The following ESRRG variants were observed in gnomAD, a reference collection of about 807,000 sequenced individuals.
ESRRG encodes the protein estrogen related receptor gamma.
Under a neutral mutation model 44.0 loss-of-function variants are expected in ESRRG, and 13 were observed. The observed-to-expected ratio is 0.30, with a 90% CI of 0.19 to 0.47. ESRRG has a LOEUF of 0.47. Among genes scored for constraint, ESRRG ranks in the 20% least tolerant of loss-of-function variants. ESRRG has a pLI of 1.00. For missense variants in ESRRG, 395 were observed against 580.6 expected, an observed-to-expected ratio of 0.68 and a Z score of 3.29; for synonymous variants, 215 against 214.6, an observed-to-expected ratio of 1.00 and a Z score of -0.02.
intron 3 of ESRRG, among the ~76,000 whole-genome samples, chr1:216,575,691 C>T (rs892516709): frequency 6.6e-6 from 1 of 152,072 alleles, no homozygotes; most frequent in Admixed American, 6.6e-5. Flanking sequence ...GCAGAACTCA[C>T]GTTCTTAAGC....
chr1:216,857,298 C>T (rs975029034), intron 2 of ESRRG, among the ~76,000 whole-genome samples: 2 of 151,474 alleles, frequency 1.3e-5, no homozygotes, highest in Non-Finnish European at 2.9e-5. Context: ...CTCTATTTCC[C>T]GAACTGATAG....
intron 1 of ESRRG, chr1:217,077,028 A>T (rs1205679117): frequency 6.6e-6 from 1 of 152,222 alleles, no homozygotes; most frequent in Non-Finnish European, 1.5e-5. Context: ...AACTGAACAG[A>T]AGCTGATACC....
At chr1:217,054,102 A>G (rs2086632934) in intron 1 of ESRRG, among the ~76,000 whole-genome samples, 1 of 151,878 alleles carries the variant, frequency 6.6e-6, no homozygotes, top group South Asian at 2.1e-4. Context: ...AAAAAAGCCC[A>G]TTGTACATCA....
intron 3 of ESRRG, among the ~76,000 whole-genome samples, chr1:216,614,151 G>T (rs1051415816): frequency 1.3e-5 from 2 of 152,190 alleles, no homozygotes; most frequent in Non-Finnish European, 2.9e-5. Context: ...TGCAGTGCAT[G>T]GGCAGGTGGC....
chr1:216,691,996 A>C (rs2079129014), intron 1 of ESRRG, among the ~76,000 whole-genome samples: 1 of 152,196 alleles, frequency 6.6e-6, no homozygotes, highest in Non-Finnish European at 1.5e-5. Context: ...AGTATAGCAC[A>C]TATAATTATG....
intron 1 of ESRRG, among the ~76,000 whole-genome samples, chr1:217,018,856 A>G (rs1345047773): frequency 6.6e-6 from 1 of 152,132 alleles, no homozygotes; most frequent in Non-Finnish European, 1.5e-5. Flanking sequence ...TGCCACGTGG[A>G]CCGCATTATG....
intron 1 of ESRRG, among the ~76,000 whole-genome samples, chr1:217,016,169 G>A (rs1268510824): frequency 6.6e-6 from 1 of 152,078 alleles, no homozygotes; most frequent in Non-Finnish European, 1.5e-5. Context: ...TGAAGAAAAT[G>A]TTAAAAAGTG....
intron 2 of ESRRG, among the ~76,000 whole-genome samples, chr1:216,780,726 GGGA>G (rs1394633578): frequency 2.6e-5 from 4 of 152,120 alleles, no homozygotes; most frequent in Admixed American, 2.6e-4. Flanking sequence ...ACAGAGTCCA[GGGA>G]GGAGAAGGGA....
intron 2 of ESRRG, among the ~76,000 whole-genome samples, chr1:216,844,485 T>C (rs1266495955): frequency 6.6e-6 from 1 of 152,116 alleles, no homozygotes; most frequent in Non-Finnish European, 1.5e-5. Flanking sequence ...TGCTCAGCTC[T>C]GATGTCATAT....
intron 3 of ESRRG, among the ~76,000 whole-genome samples, chr1:216,623,357 G>T (rs918500385): frequency 6.6e-6 from 1 of 152,104 alleles, no homozygotes; most frequent in African/African-American, 2.4e-5. Context: ...ATAGAACAGG[G>T]AAGATACTGC....
chr1:217,097,013 C>T (rs941790366), intron 1 of ESRRG, among the ~76,000 whole-genome samples: 3 of 152,108 alleles, frequency 2.0e-5, no homozygotes, highest in African/African-American at 7.2e-5. Flanking sequence ...TAGAAGGCAC[C>T]TCTCCAGCCT....
At chr1:216,744,745 G>A (rs550503684) in intron 2 of ESRRG, among the ~76,000 whole-genome samples, 74 of 152,234 alleles carry the variant, frequency 4.9e-4, no homozygotes, top group African/African-American at 1.8e-3. Context: ...TCTTCCATCT[G>A]TTCTTCTAGC....
At chr1:216,603,356 C>T (rs2059493665) in intron 3 of ESRRG, among the ~76,000 whole-genome samples, 1 of 152,174 alleles carries the variant, frequency 6.6e-6, no homozygotes, top group Non-Finnish European at 1.5e-5. Flanking sequence ...CTGACCCTAA[C>T]TTTCATTGAA....
chr1:216,852,639 TGA>T (rs1312775036), intron 2 of ESRRG, among the ~76,000 whole-genome samples: 5 of 152,212 alleles, frequency 3.3e-5, no homozygotes, highest in Non-Finnish European at 5.9e-5. Context: ...TAAGTTTCAC[TGA>T]ATTTTGAATA....
intron 4 of ESRRG, 26 bp from the exon 5 acceptor site, chr1:216,564,406 A>G (rs1389448542): frequency 6.4e-7 from 1 of 1,572,960 alleles, no homozygotes; most frequent in African/African-American, 1.4e-5. Flanking sequence ...AGAGCACTAC[A>G]AGATCACTAG....
intron 1 of ESRRG, among the ~76,000 whole-genome samples, chr1:217,068,809 C>G (rs986580819): frequency 6.6e-6 from 1 of 152,192 alleles, no homozygotes; most frequent in East Asian, 1.9e-4. Flanking sequence ...AAAGCAATCA[C>G]TTTTTCCGCC....
At chr1:216,965,736 A>G (rs1489722436) in intron 1 of ESRRG, among the ~76,000 whole-genome samples, 2 of 152,206 alleles carry the variant, frequency 1.3e-5, no homozygotes, top group African/African-American at 4.8e-5. Context: ...AGGTGTGCAC[A>G]AGGCACTCAG....
chr1:216,930,946 G>A (rs1181934576), intron 2 of ESRRG, among the ~76,000 whole-genome samples: 2 of 152,170 alleles, frequency 1.3e-5, no homozygotes, highest in Non-Finnish European at 2.9e-5. Context: ...GTGGGTGATG[G>A]GATAATGCTG....
At chr1:216,688,726 G>A (rs1278374815) in intron 1 of ESRRG, among the ~76,000 whole-genome samples, 1 of 152,056 alleles carries the variant, frequency 6.6e-6, no homozygotes, top group African/African-American at 2.4e-5. Context: ...ATAAAAGTAG[G>A]CCGGGGACAT....
Sources: gnomAD v4.1 joint callset for allele counts (sites outside exome capture counted in the v4.1 genomes callset) on GRCh38, gnomAD v4.1.1 for gene constraint, MANE v1.5 for transcripts, NCBI Gene and HGNC (gene_info 2026-07-23, HGNC 2026-07-21) for gene names.